Variants in CCDC30 observed in about 807,000 individuals in gnomAD.
The protein encoded by CCDC30 is coiled-coil domain-containing protein 30.
Under a neutral mutation model 100.2 loss-of-function variants are expected in CCDC30, and 70 were observed. That is an observed-to-expected ratio of 0.70 (90% confidence interval 0.58 to 0.85). The LOEUF (loss-of-function observed/expected upper bound fraction) is 0.85. CCDC30 is among the 40% of genes least tolerant of loss of function. The pLI, the probability that CCDC30 is intolerant of heterozygous loss-of-function variation, is 0.00. For missense variants in CCDC30, 652 were observed against 771.2 expected, an observed-to-expected ratio of 0.85 and a Z score of 1.83; for synonymous variants, 233 against 269.5, an observed-to-expected ratio of 0.86 and a Z score of 1.33.
At chr1:42,497,286 G>T in intron 5 of CCDC30, 73 bp downstream of exon 5, 1 of 874,138 alleles carries the variant, frequency 1.1e-6, no homozygotes. Context: ...AGCAACACAG[G>T]TATACAACAT....
chr1:42,614,203 C>G (rs999553415), intron 11 of CCDC30, among the ~76,000 whole-genome samples: 9 of 151,160 alleles, frequency 6.0e-5, no homozygotes, highest in Non-Finnish European at 7.4e-5. Flanking sequence ...GCCTCAGCCT[C>G]CCGAGTAGCT....
rs1646281722 is a variant in CCDC30, at chr1:42,596,053, A to C, written c.1164+6570A>C. On this transcript the variant is annotated intron_variant, in intron 10 of 16. Transcript: ENST00000668663. This position sits in a 1 kb window ranked among gnomAD's most constrained non-coding sequence, Gnocchi z 4.3. ...CTGAAAAATCAACACATTTCCCTAG[A>C]TCCTTCAGAGAAGAGAGGTCACAGT... Among the ~76,000 whole-genome samples, 1 of 152,206 alleles carries C rather than the reference A, an allele frequency of 6.6e-6. No individual in the cohort carries two copies. The highest frequency in any genetic ancestry group is 6.5e-5 in the Admixed American group (1 of 15,276).
chr1:42,587,171 A>T (rs929195543), intron 9 of CCDC30, among the ~76,000 whole-genome samples: 6 of 152,036 alleles, frequency 3.9e-5, no homozygotes, highest in East Asian at 3.9e-4. Flanking sequence ...TTTTTAAAAA[A>T]TTTTTTATAC....
intron 11 of CCDC30, among the ~76,000 whole-genome samples, chr1:42,625,904 T>C (rs1034184457): frequency 1.3e-5 from 2 of 152,206 alleles, no homozygotes; most frequent in African/African-American, 2.4e-5. Context: ...AATGTTTCTT[T>C]GTTGATTTTC....
chr1:42,642,369 A>G, intron 12 of CCDC30, 104 bp from the exon 17 acceptor site: 1 of 1,056,484 alleles, frequency 9.5e-7, no homozygotes, highest in Non-Finnish European at 1.3e-6. Context: ...GGAAAAAAAA[A>G]GTAAATAAGG....
At chr1:42,513,018 G>A (rs1266328032) in intron 6 of CCDC30, among the ~76,000 whole-genome samples, 1 of 152,208 alleles carries the variant, frequency 6.6e-6, no homozygotes, top group Admixed American at 6.5e-5. Flanking sequence ...GGACAGATTT[G>A]AGATTTGCTC....
At chr1:42,515,164 A>C (rs987525103) in intron 6 of CCDC30, among the ~76,000 whole-genome samples, 1 of 150,566 alleles carries the variant, frequency 6.6e-6, no homozygotes, top group Non-Finnish European at 1.5e-5. Context: ...AGAGAATGCC[A>C]TGTGATTACA....
intron 15 of CCDC30, among the ~76,000 whole-genome samples, chr1:42,648,723 T>G (rs1209390437): frequency 2.0e-5 from 3 of 150,692 alleles, no homozygotes. Flanking sequence ...GAAATTGAGA[T>G]TAAAAGAACA....
intron 7 of CCDC30, chr1:42,571,181 A>G (rs761764098): frequency 2.6e-5 from 4 of 152,246 alleles, no homozygotes; most frequent in South Asian, 2.1e-4. Context: ...AATAGACAAT[A>G]TATTATGAAA....
chr1:42,641,212 CTT>C (rs1231424896), intron 12 of CCDC30, among the ~76,000 whole-genome samples: 6 of 133,790 alleles, frequency 4.5e-5, no homozygotes, highest in African/African-American at 5.8e-5. Context: ...CCACACATGG[CTT>C]TTGTGTGTGT....
At chr1:42,632,521 T>G (rs1647057377) in intron 11 of CCDC30, among the ~76,000 whole-genome samples, 1 of 151,846 alleles carries the variant, frequency 6.6e-6, no homozygotes, top group African/African-American at 2.4e-5. Flanking sequence ...CCCAGAACTT[T>G]GGGAGGCTGA....
At chr1:42,550,440 C>T (rs138014180) in intron 6 of CCDC30, among the ~76,000 whole-genome samples, 267 of 152,268 alleles carry the variant, frequency 1.8e-3, no homozygotes, top group Middle Eastern at 6.8e-3. Flanking sequence ...AAACCATTAC[C>T]ATGACCCATA....
chr1:42,621,955 T>C (rs1393075388), intron 11 of CCDC30, among the ~76,000 whole-genome samples: 1 of 152,204 alleles, frequency 6.6e-6, no homozygotes, highest in Non-Finnish European at 1.5e-5. Flanking sequence ...TCTGTTTCTT[T>C]AGTTATTTTT....
chr1:42,563,456 G>T (rs544643605), intron 6 of CCDC30, among the ~76,000 whole-genome samples: 1 of 152,116 alleles, frequency 6.6e-6, no homozygotes, highest in Non-Finnish European at 1.5e-5. Flanking sequence ...GGGCCTGTTG[G>T]GGGTAGGGGG....
downstream of CCDC30, among the ~76,000 whole-genome samples, chr1:42,656,883 T>G (rs553980493): frequency 6.6e-6 from 1 of 152,278 alleles, no homozygotes; most frequent in South Asian, 2.1e-4. Flanking sequence ...CAATGTACTA[T>G]TTTTTTCACA....
intron 6 of CCDC30, among the ~76,000 whole-genome samples, chr1:42,500,614 C>T (rs1048324079): frequency 4.6e-5 from 7 of 152,180 alleles, no homozygotes; most frequent in East Asian, 1.9e-4. Context: ...AGGGTTTCAC[C>T]GTGTTAGCCA....
exon 4 of CCDC30, chr1:42,490,216 G>C: frequency 8.3e-7 from 1 of 1,208,188 alleles, no homozygotes; most frequent in Non-Finnish European, 1.0e-6. Context: ...ATTTGGTAAA[G>C]CTGAAAGAAA....
At chr1:42,550,979 A>AT (rs1557846744) in intron 6 of CCDC30, among the ~76,000 whole-genome samples, 2 of 151,808 alleles carry the variant, frequency 1.3e-5, no homozygotes, top group Admixed American at 6.6e-5. Context: ...TTTTTTATTC[A>AT]TTTTTTATTA....
intron 12 of CCDC30, among the ~76,000 whole-genome samples, chr1:42,640,913 A>C (rs1264953326): frequency 6.6e-6 from 1 of 151,856 alleles, no homozygotes; most frequent in African/African-American, 2.4e-5. Flanking sequence ...TAATAATAAT[A>C]ATAGATGGCC....
Sources: allele counts gnomAD v4.1 joint callset (sites outside exome capture counted in the v4.1 genomes callset), GRCh38; gene constraint gnomAD v4.1.1; non-coding constraint Gnocchi (gnomAD v3.1); transcripts MANE v1.5; gene names NCBI Gene and HGNC (gene_info 2026-07-23, HGNC 2026-07-21).